AKT1: variants seen among roughly 807,000 people sequenced by gnomAD.
AKT1 encodes the protein AKT serine/threonine kinase 1, also known as RAC-alpha serine/threonine-protein kinase.
AKT1 carries 21 observed loss-of-function variants against 63.1 expected under a neutral mutation model. The observed-to-expected ratio is 0.33, with a 90% CI of 0.24 to 0.48. The LOEUF is 0.48. AKT1 is among the 20% of genes least tolerant of loss of function. AKT1 has a pLI of 0.99. For missense variants in AKT1, 382 were observed against 666.0 expected, an observed-to-expected ratio of 0.57 and a Z score of 4.69; for synonymous variants, 257 against 253.1, an observed-to-expected ratio of 1.02 and a Z score of -0.15.
chr14:104,772,925 C>T lies in AKT1; in HGVS notation c.1125G>A (p.Glu375=). The T allele has an allele frequency of 6.2e-7, 1 of 1,613,646 alleles. No individual in the cohort carries two copies. The highest frequency in any genetic ancestry group is 8.5e-7 in the Non-Finnish European group (1 of 1,179,964). Residue 375 remains glutamate, a synonymous_variant, in exon 12 of 15, where the codon GAG becomes GAA. Coordinates refer to ENST00000649815, the MANE Select transcript of AKT1 (RefSeq NM_001382430.1). ...GCAGCCCTGAAAGCAAGGACTTGGCCTCGGGACCAAGCGTGCGCGGGAAGC... is the reference window on the plus strand; with the variant it reads ...GCAGCCCTGAAAGCAAGGACTTGGCTTCGGGACCAAGCGTGCGCGGGAAGC... ...EIRFPRTLGP[E]AKSLLSGLLK... is the part of the protein sequence containing the mutation.
chr14:104,794,850 G>A (rs779443898), intron 1 of AKT1, among the ~76,000 whole-genome samples: 2 of 152,232 alleles, frequency 1.3e-5, no homozygotes, highest in Non-Finnish European at 2.9e-5. Context: ...TAGCGCCCCA[G>A]GATACTCAAT....
chr14:104,795,430 C>G lies in AKT1; in HGVS notation c.-258+54G>C. The G allele has an allele frequency of 6.8e-6, 1 of 147,330 alleles. No individual in the cohort carries two copies. Among genetic ancestry groups the G allele is most frequent in the South Asian group, 2.1e-4 (1 of 4,816 alleles). The allele number at this position is 147,330 out of a possible 1,614,324, so 9.1% of individuals were successfully genotyped here. ...CCGACCGGCCGCGAACAAAGCGGCC[C>G]GGCCCGCGGGGAGGAAATCCAGGCC... On this transcript the variant is annotated intron_variant, in intron 1 of 14. Coordinates refer to ENST00000649815, the MANE Select transcript of AKT1 (RefSeq NM_001382430.1). This position sits in a 1 kb window ranked among gnomAD's most constrained non-coding sequence, Gnocchi z 5.1.
At chr14:104,787,252 T>C (rs957841868) in intron 3 of AKT1, among the ~76,000 whole-genome samples, 2 of 152,000 alleles carry the variant, frequency 1.3e-5, no homozygotes, top group South Asian at 2.1e-4. Context: ...CCGTTGGAGA[T>C]GAGGAAGTAA....
At chr14:104,786,873 C>T (rs1202857527) in intron 3 of AKT1, among the ~76,000 whole-genome samples, 1 of 152,200 alleles carries the variant, frequency 6.6e-6, no homozygotes, top group Non-Finnish European at 1.5e-5. Context: ...TGTGGGGAGG[C>T]CAGCCAGACC....
chr14:104,793,579 G>C (rs1893734078), intron 1 of AKT1: 1 of 175,026 alleles, frequency 5.7e-6, no homozygotes, highest in African/African-American at 2.4e-5. Context: ...ACCCAGTCCA[G>C]GGTGGTTACA....
chr14:104,769,359 A>G lies in AKT1; in HGVS notation c.*982T>C. 1 of 241,416 alleles carries G rather than the reference A, an allele frequency of 4.1e-6. No individual in the cohort carries two copies. 15.0% of individuals were successfully genotyped at this position (241,416 alleles called of 1,614,324 possible). On this transcript the variant is annotated 3_prime_UTR_variant, in exon 15 of 15. Coordinates refer to ENST00000649815, the MANE Select transcript of AKT1 (RefSeq NM_001382430.1). Reference sequence around the variant, plus strand: ...AAAGTGAGCCAAAAATTTGAAAAGCAACTTTTATTGAAGAATTTGGAGGGA... The same window carrying G: ...AAAGTGAGCCAAAAATTTGAAAAGCGACTTTTATTGAAGAATTTGGAGGGA...
intron 3 of AKT1, among the ~76,000 whole-genome samples, chr14:104,784,393 G>GT (rs1452725904): frequency 2.0e-5 from 3 of 152,138 alleles, no homozygotes; most frequent in Non-Finnish European, 2.9e-5. Flanking sequence ...CCAGACTCCT[G>GT]TCCCTGCCCG....
intron 3 of AKT1, among the ~76,000 whole-genome samples, chr14:104,788,118 CG>C (rs1005440592): frequency 2.9e-4 from 44 of 152,198 alleles, no homozygotes; most frequent in South Asian, 2.1e-4. Context: ...CCACGGGGGC[CG>C]TTCCAGACCC....
In AKT1 at chr14:104,775,133, C is replaced by A. The variant is rs774284624; in HGVS notation, c.510G>T (p.Lys170Asn). Residue 170 changes from lysine to asparagine, a missense_variant, in exon 7 of 15, where the codon AAG becomes AAT. Physicochemically the swap from Lys to Asn is moderately conservative, Grantham distance 94. Coordinates refer to ENST00000649815, the MANE Select transcript of AKT1 (RefSeq NM_001382430.1). ...TFGKVILVKE[K>N]ATGRYYAMKI... ...TCATGGCGTAGTAGCGGCCTGTGGC[C>A]TTCTCCTTCACCAGGATCACCTTGC... is the stretch of plus-strand genomic sequence containing the variant. 1 of 1,614,162 alleles carries A rather than the reference C, an allele frequency of 6.2e-7. No homozygotes were observed. The highest frequency in any genetic ancestry group is 1.1e-5 in the South Asian group (1 of 91,088).
At chr14:104,783,370 A>T (rs1893166709) in intron 3 of AKT1, among the ~76,000 whole-genome samples, 1 of 152,072 alleles carries the variant, frequency 6.6e-6, no homozygotes, top group African/African-American at 2.4e-5. Flanking sequence ...ACCCCAGGAA[A>T]AGTGCCCTGC....
At chr14:104,785,042 G>C (rs1438252723) in intron 3 of AKT1, among the ~76,000 whole-genome samples, 1 of 152,242 alleles carries the variant, frequency 6.6e-6, no homozygotes, top group Non-Finnish European at 1.5e-5. Flanking sequence ...CCACAGCAAA[G>C]TGAGCCCAGC....
At chr14:104,782,563 TG>T (rs111283854) in intron 3 of AKT1, among the ~76,000 whole-genome samples, 4 of 151,892 alleles carry the variant, frequency 2.6e-5, no homozygotes, top group African/African-American at 9.7e-5. Flanking sequence ...TTACCAGGCG[TG>T]GGGGGTGGGA....
Position 104,786,077 on chromosome 14 carries a change from A to AGACCCTGT in AKT1, c.47-5869_47-5862dup, listed in dbSNP as rs541288354. Reference sequence around the variant, plus strand: ...CCATCGCAGAGCCCAGCACATCCCAAGACCCTGTCCCTGTCCCTGTCCCCC... The same window carrying AGACCCTGT: ...CCATCGCAGAGCCCAGCACATCCCAAGACCCTGTGACCCTGTCCCTGTCCCTGTCCCCC... On this transcript the variant is annotated intron_variant, in intron 3 of 14. Coordinates refer to ENST00000649815, the MANE Select transcript of AKT1 (RefSeq NM_001382430.1). Among the ~76,000 whole-genome samples, 94 of 152,214 alleles carry AGACCCTGT rather than the reference A, an allele frequency of 6.2e-4. No homozygotes were observed. In the South Asian group the frequency reaches 0.019, roughly 31 times the overall value.
At chr14:104,792,767 A>T in intron 2 of AKT1, 45 bp from the exon 3 acceptor site, 1 of 1,248,610 alleles carries the variant, frequency 8.0e-7, no homozygotes, top group Admixed American at 1.7e-5. Flanking sequence ...CGCCTGGCTA[A>T]GGGCAGCTCC....
chr14:104,782,722 G>A (rs1172731440), intron 3 of AKT1, among the ~76,000 whole-genome samples: 1 of 151,470 alleles, frequency 6.6e-6, no homozygotes, highest in Non-Finnish European at 1.5e-5. Context: ...CAGGAGACGG[G>A]TGTGAGTGAA....
chr14:104,786,388 C>T (rs1428977926), intron 3 of AKT1: 1 of 152,186 alleles, frequency 6.6e-6, no homozygotes, highest in Non-Finnish European at 1.5e-5. Context: ...TAGACACTGC[C>T]CTCGGGAAAG....
Position 104,773,446 on chromosome 14 carries a change from CCAG to C in AKT1, c.828+6_828+8del. ...AGGGCCCTGCCCCCCTGCCTGCCCG[CCAG>C]CGCACCTTGAGGTCCCGGTACACCA... On this transcript the variant is annotated splice_donor_region_variant and intron_variant, in intron 10 of 14. Transcript: ENST00000649815. 6.2e-7 allele frequency: 1 copy of C among 1,613,918 alleles called. No homozygotes were observed. Among genetic ancestry groups the C allele is most frequent in the South Asian group, 1.1e-5 (1 of 91,066 alleles).
At chr14:104,778,805 A>G (rs1892868852) in intron 4 of AKT1, among the ~76,000 whole-genome samples, 1 of 152,224 alleles carries the variant, frequency 6.6e-6, no homozygotes, top group African/African-American at 2.4e-5. Flanking sequence ...CCTCAAAGAA[A>G]GGAGGGCAGA....
At position 104,792,639 on chromosome 14, in the gene AKT1, C is replaced by T. The variant is rs1893686640; in HGVS notation, c.5G>A (p.Ser2Asn). The change falls in exon 3 of 15, where the codon AGC (serine) becomes AAC (asparagine). Residue 2 changes from serine to asparagine, a missense_variant. Physicochemically the swap from Ser to Asn is conservative, Grantham distance 46. Transcript: ENST00000649815. ...ACCCTCCTTCACAATAGCCACGTCG[C>T]TCATGGTGCCCGAGGCTCCCGCGAC... MSDVAIVKEGWL... is the reference protein window; with the variant it reads MNDVAIVKEGWL... 3 of 1,610,972 alleles carry T rather than the reference C, an allele frequency of 1.9e-6. No homozygotes were observed. In the East Asian group the frequency reaches 6.7e-5, roughly 36 times the overall value.
Sources: gnomAD v4.1 joint callset for allele counts (sites outside exome capture counted in the v4.1 genomes callset) on GRCh38, gnomAD v4.1.1 for gene constraint, Gnocchi (gnomAD v3.1) non-coding constraint, MANE v1.5 for transcripts, NCBI Gene and HGNC (gene_info 2026-07-23, HGNC 2026-07-21) for gene names.